ENOX1: variants seen among roughly 807,000 people sequenced by gnomAD.
ENOX1 encodes ecto-NOX disulfide-thiol exchanger 1.
Under a neutral mutation model 82.5 loss-of-function variants are expected in ENOX1, and 42 were observed. That is an observed-to-expected ratio of 0.51 (90% confidence interval 0.40 to 0.66). The LOEUF (loss-of-function observed/expected upper bound fraction) is 0.66. Ranked by LOEUF, ENOX1 falls within the 30% of genes least tolerant of loss-of-function variation. ENOX1 has a pLI of 0.00. For missense variants in ENOX1, 608 were observed against 811.6 expected (o/e 0.75, Z 3.05); for synonymous variants, 271 against 282.2 (o/e 0.96, Z 0.40).
rs1034073432 is a variant in ENOX1 at position 43,489,020 on chromosome 13, G to A, written c.-218-4868C>T. Among the ~76,000 whole-genome samples, 3 of 152,136 alleles carry A rather than the reference G, an allele frequency of 2.0e-5. No individual in the cohort carries two copies. The South Asian group carries it at 6.2e-4, about 32-fold the overall frequency. ...GACATGTGGAGAATAAAAATTAAGT[G>A]CGTTTAGAAGAGAAAACCAAGTGCA... On this transcript the variant is annotated intron_variant, in intron 2 of 16. Coordinates refer to ENST00000690772, the MANE Select transcript of ENOX1 (RefSeq NM_001347969.2).
chr13:43,442,082 C>A (rs924215593), intron 3 of ENOX1, among the ~76,000 whole-genome samples: 13 of 152,048 alleles, frequency 8.5e-5, no homozygotes, highest in African/African-American at 3.1e-4. Flanking sequence ...GGCCCCAGAG[C>A]CTCCGCACAT....
intron 15 of ENOX1, among the ~76,000 whole-genome samples, chr13:43,229,382 C>CG (rs907377242): frequency 6.6e-6 from 1 of 152,076 alleles, no homozygotes. Flanking sequence ...ATGGAAAGCC[C>CG]GGGGGAGACC....
intron 14 of ENOX1, among the ~76,000 whole-genome samples, chr13:43,259,484 T>C (rs552723127): frequency 3.3e-5 from 5 of 152,288 alleles, no homozygotes; most frequent in Admixed American, 1.3e-4. Flanking sequence ...CTTCTTTTTT[T>C]CTTTGAGACA....
At chr13:43,380,183 G>A (rs1055275666) in intron 5 of ENOX1, among the ~76,000 whole-genome samples, 1 of 137,428 alleles carries the variant, frequency 7.3e-6, no homozygotes, top group Non-Finnish European at 1.6e-5. Flanking sequence ...CCTCTAGGCA[G>A]AGAAAAATGA....
intron 2 of ENOX1, among the ~76,000 whole-genome samples, chr13:43,603,367 TATTTA>T (rs1215280778): frequency 2.6e-5 from 3 of 115,116 alleles, no homozygotes; most frequent in African/African-American, 4.5e-5. Context: ...TTTTTCCTTT[TATTTA>T]TTTTATTTAT....
At chr13:43,390,095 A>G (rs1320609781) in intron 5 of ENOX1, among the ~76,000 whole-genome samples, 1 of 152,180 alleles carries the variant, frequency 6.6e-6, no homozygotes, top group Non-Finnish European at 1.5e-5. Flanking sequence ...AACACGTTTG[A>G]ATGGGGGAGG....
At chr13:43,256,038 G>A (rs972470907) in intron 14 of ENOX1, among the ~76,000 whole-genome samples, 1 of 152,160 alleles carries the variant, frequency 6.6e-6, no homozygotes, top group Non-Finnish European at 1.5e-5. Flanking sequence ...TTCAACAAAG[G>A]TGTCAAAAAC....
chr13:43,474,255 A>G (rs2153650409), intron 3 of ENOX1, among the ~76,000 whole-genome samples: 1 of 152,250 alleles, frequency 6.6e-6, no homozygotes, highest in South Asian at 2.1e-4. Context: ...GATTTACTTG[A>G]GAGTGTACAA....
chr13:43,322,268 G>A, intron 11 of ENOX1, 116 bp downstream of exon 11: 1 of 711,240 alleles, frequency 1.4e-6, no homozygotes, highest in Non-Finnish European at 2.3e-6. Context: ...ACTCAAAGAT[G>A]AAAGTTTAGT....
At chr13:43,217,501 A>G (rs1247371646) in intron 16 of ENOX1, among the ~76,000 whole-genome samples, 1 of 152,132 alleles carries the variant, frequency 6.6e-6, no homozygotes, top group African/African-American at 2.4e-5. Context: ...TTGCAGCGGG[A>G]CAGAGGTAGC....
chr13:43,231,936 T>C (rs1346747147), intron 15 of ENOX1, among the ~76,000 whole-genome samples: 1 of 152,156 alleles, frequency 6.6e-6, no homozygotes, highest in Non-Finnish European at 1.5e-5. Flanking sequence ...TTTCTTTTTT[T>C]TCTTTTTTGA....
intron 5 of ENOX1, among the ~76,000 whole-genome samples, chr13:43,395,333 T>C (rs1047141241): frequency 1.4e-4 from 21 of 152,158 alleles, no homozygotes; most frequent in African/African-American, 4.6e-4. Context: ...CCTGGCAACA[T>C]GGTGGAACCC....
chr13:43,377,752 TAGAAGCAG>T, intron 5 of ENOX1, among the ~76,000 whole-genome samples: 1 of 152,216 alleles, frequency 6.6e-6, no homozygotes, highest in Non-Finnish European at 1.5e-5. Flanking sequence ...AAGTGTCAGC[TAGAAGCAG>T]AAGAGTAGGA....
chr13:43,488,188 A>G lies in ENOX1; in HGVS notation c.-218-4036T>C, dbSNP rs558177781. ...GTTGAAATGTGTTCAGGTGTTGCCA[A>G]TGTGATAGTGTGAAGAGGTATAGCC... is the stretch of plus-strand genomic sequence containing the variant. On this transcript the variant is annotated intron_variant, in intron 2 of 16. Transcript: ENST00000690772. Among the ~76,000 whole-genome samples the G allele has an allele frequency of 7.9e-5, 12 of 152,308 alleles. No homozygotes were observed. In the East Asian group the frequency reaches 1.4e-3, roughly 17 times the overall value.
At chr13:43,646,246 G>C (rs535207323) in intron 2 of ENOX1, among the ~76,000 whole-genome samples, 6 of 152,174 alleles carry the variant, frequency 3.9e-5, no homozygotes, top group African/African-American at 1.4e-4. Context: ...TGTCTTCTGC[G>C]AGCATGTATG....
At chr13:43,760,509 T>C (rs1180193140) in intron 1 of ENOX1, among the ~76,000 whole-genome samples, 3 of 152,118 alleles carry the variant, frequency 2.0e-5, no homozygotes, top group Non-Finnish European at 4.4e-5. Flanking sequence ...AACGTGTGCA[T>C]GTTTGCCCCA....
intron 5 of ENOX1, among the ~76,000 whole-genome samples, chr13:43,366,740 G>A (rs2050875034): frequency 6.6e-6 from 1 of 152,068 alleles, no homozygotes. Context: ...TCATGCACTG[G>A]CTGTATGACT....
intron 3 of ENOX1, among the ~76,000 whole-genome samples, chr13:43,461,829 A>C (rs1475649652): frequency 6.6e-6 from 1 of 152,264 alleles, no homozygotes; most frequent in African/African-American, 2.4e-5. Flanking sequence ...CTAAGGAGGC[A>C]CAGAACCTTG....
intron 2 of ENOX1, among the ~76,000 whole-genome samples, chr13:43,523,907 T>A (rs897027788): frequency 6.6e-6 from 1 of 152,156 alleles, no homozygotes; most frequent in Admixed American, 6.5e-5. Flanking sequence ...TTAAGCAGCA[T>A]GGCACACCAC....
Sources: gnomAD v4.1 joint callset for allele counts (sites outside exome capture counted in the v4.1 genomes callset) on GRCh38, gnomAD v4.1.1 for gene constraint, MANE v1.5 for transcripts, NCBI Gene and HGNC (gene_info 2026-07-23, HGNC 2026-07-21) for gene names.